The following PTPN11 variants were observed in gnomAD, a reference collection of about 807,000 sequenced individuals.
PTPN11 encodes protein tyrosine phosphatase non-receptor type 11, also known as tyrosine-protein phosphatase non-receptor type 11.
A neutral mutation model predicts 78.8 loss-of-function variants in PTPN11; 6 were observed. The observed-to-expected ratio is 0.08, with a 90% confidence interval of 0.04 to 0.15. PTPN11 has a LOEUF of 0.15. Among genes scored for constraint, PTPN11 ranks in the 10% least tolerant of loss-of-function variants. The pLI, the probability that PTPN11 is intolerant of heterozygous loss-of-function variation, is 1.00. For synonymous variants in PTPN11, 221 were observed against 263.5 expected (o/e 0.84, Z 1.56); for missense variants, 386 against 744.8 (o/e 0.52, Z 5.61).
At chr12:112,444,044 G>A (rs1293388388) in intron 1 of PTPN11, among the ~76,000 whole-genome samples, 2 of 152,060 alleles carry the variant, frequency 1.3e-5, no homozygotes, top group African/African-American at 4.8e-5. Flanking sequence ...TCCCATCACA[G>A]CCCCCTAAAG....
intron 9 of PTPN11, among the ~76,000 whole-genome samples, chr12:112,480,507 A>G (rs2038580180): frequency 6.6e-6 from 1 of 151,756 alleles, no homozygotes; most frequent in South Asian, 2.1e-4. Flanking sequence ...CTGGGATTAC[A>G]GGCGTGTGCC....
chr12:112,483,621 C>T (rs2038630545), intron 10 of PTPN11, among the ~76,000 whole-genome samples: 1 of 152,116 alleles, frequency 6.6e-6, no homozygotes, highest in Admixed American at 6.5e-5. Flanking sequence ...TTCCCCTCCA[C>T]CCTGTAGAGA....
In PTPN11 at chr12:112,478,686, C is replaced by T. The variant is rs1457559432; in HGVS notation, c.1092+671C>T. Among the ~76,000 whole-genome samples the T allele has an allele frequency of 2.6e-5, 4 of 152,128 alleles. No individual in the cohort carries two copies. In the East Asian group the frequency reaches 7.7e-4, roughly 29 times the overall value. Reference sequence around the variant, plus strand: ...ATGTCATCTATAGCTTTCCTTTTAACATGTGTAGCATTTTCCTTACCTTTT... The same window carrying T: ...ATGTCATCTATAGCTTTCCTTTTAATATGTGTAGCATTTTCCTTACCTTTT... On this transcript the variant is annotated intron_variant, in intron 9 of 15. Transcript: ENST00000351677.
chr12:112,443,413 T>G (rs1029153926), intron 1 of PTPN11, among the ~76,000 whole-genome samples: 1 of 151,150 alleles, frequency 6.6e-6, no homozygotes, highest in African/African-American at 2.4e-5. Context: ...GGCTGGAGTA[T>G]AATGATGCGA....
chr12:112,498,262 G>C (rs1210994691), intron 13 of PTPN11, among the ~76,000 whole-genome samples: 1 of 152,190 alleles, frequency 6.6e-6, no homozygotes, highest in Non-Finnish European at 1.5e-5. Context: ...AGCTGCCGCA[G>C]TGCTGCACGT....
rs552281809 is a variant in PTPN11 at position 112,492,735 on chromosome 12, T to C, written c.1599+3560T>C. ...GGTCTCACCGTGTTAGCCAGGATGG[T>C]CTTGATCTCCTGACCTTGTGATCTG... On this transcript the variant is annotated intron_variant, in intron 13 of 15. Transcript: ENST00000351677. 7.2e-5 allele frequency among the ~76,000 whole-genome samples: 11 copies of C among 152,188 alleles called. No homozygotes were observed. In the South Asian group the frequency reaches 1.2e-3, roughly 17 times the overall value.
At chr12:112,431,006 A>G (rs1594131128) in intron 1 of PTPN11, among the ~76,000 whole-genome samples, 2 of 152,224 alleles carry the variant, frequency 1.3e-5, no homozygotes, top group East Asian at 1.9e-4. Flanking sequence ...TTTTTGCCAC[A>G]TAAATTGCTG....
chr12:112,453,463 C>A, intron 4 of PTPN11, 76 bp downstream of exon 4: 1 of 1,124,596 alleles, frequency 8.9e-7, no homozygotes, highest in Non-Finnish European at 1.4e-6. Flanking sequence ...AAGACAGACA[C>A]CATTACATTC....
intron 13 of PTPN11, among the ~76,000 whole-genome samples, chr12:112,500,347 C>G (rs778924066): frequency 6.6e-6 from 1 of 152,100 alleles, no homozygotes; most frequent in Admixed American, 6.6e-5. Flanking sequence ...CTTATATAAG[C>G]AAAGATTTTT....
chr12:112,503,046 A>G (rs2038895083), intron 14 of PTPN11, among the ~76,000 whole-genome samples: 1 of 152,236 alleles, frequency 6.6e-6, no homozygotes, highest in South Asian at 2.1e-4. Flanking sequence ...AGCAAACTAC[A>G]GCTCACAAGG....
At chr12:112,458,227 C>T (rs1228214790) in intron 6 of PTPN11, among the ~76,000 whole-genome samples, 1 of 152,078 alleles carries the variant, frequency 6.6e-6, no homozygotes, top group Non-Finnish European at 1.5e-5. Context: ...TTTTTTTCCT[C>T]CTGAGACAGA....
chr12:112,478,591 C>T (rs2038546984), intron 9 of PTPN11, among the ~76,000 whole-genome samples: 1 of 152,152 alleles, frequency 6.6e-6, no homozygotes, highest in African/African-American at 2.4e-5. Flanking sequence ...TGCAATATGT[C>T]ATCCGCTCTT....
At chr12:112,445,138 T>C (rs2037971826) in intron 1 of PTPN11, among the ~76,000 whole-genome samples, 2 of 152,062 alleles carry the variant, frequency 1.3e-5, no homozygotes, top group South Asian at 4.1e-4. Context: ...TCTGTATTAT[T>C]ATTATTTTTT....
At chr12:112,497,090 T>C (rs527835675) in intron 13 of PTPN11, among the ~76,000 whole-genome samples, 1 of 150,734 alleles carries the variant, frequency 6.6e-6, no homozygotes, top group South Asian at 2.1e-4. Context: ...GAGAATCACT[T>C]GAACCTGGGA....
At chr12:112,495,441 A>G (rs903171940) in intron 13 of PTPN11, among the ~76,000 whole-genome samples, 3 of 152,176 alleles carry the variant, frequency 2.0e-5, no homozygotes, top group African/African-American at 7.2e-5. Context: ...ATGTTTTCTC[A>G]TGATTAGACT....
intron 1 of PTPN11, among the ~76,000 whole-genome samples, chr12:112,439,324 C>T (rs913216153): frequency 6.6e-6 from 1 of 152,082 alleles, no homozygotes; most frequent in Non-Finnish European, 1.5e-5. Context: ...GACAGAGTCT[C>T]CCTCTTTTGC....
chr12:112,454,890 G>C, intron 5 of PTPN11: 1 of 599,444 alleles, frequency 1.7e-6, no homozygotes, highest in Non-Finnish European at 3.0e-6. Context: ...TGCAATCTTG[G>C]CTCACTACAA....
At chr12:112,462,310 A>G (rs929461415) in intron 6 of PTPN11, among the ~76,000 whole-genome samples, 1 of 152,036 alleles carries the variant, frequency 6.6e-6, no homozygotes, top group Non-Finnish European at 1.5e-5. Context: ...GTGAGATACG[A>G]TTGTGACACT....
intron 13 of PTPN11, among the ~76,000 whole-genome samples, chr12:112,492,111 G>C (rs2038753929): frequency 6.6e-6 from 1 of 152,226 alleles, no homozygotes; most frequent in African/African-American, 2.4e-5. Context: ...CTATTTAGCA[G>C]AATGCCTTTC....
Sources: allele counts gnomAD v4.1 joint callset (sites outside exome capture counted in the v4.1 genomes callset), GRCh38; gene constraint gnomAD v4.1.1; transcripts MANE v1.5; gene names NCBI Gene and HGNC (gene_info 2026-07-23, HGNC 2026-07-21).